Variants in KIF27 observed in about 807,000 individuals in gnomAD.
KIF27 encodes the protein kinesin-like protein KIF27.
Under a neutral mutation model 141.8 loss-of-function variants are expected in KIF27, and 84 were observed. The ratio of observed to expected loss-of-function variants is 0.59; its 90% CI spans 0.50 to 0.71. KIF27 has a LOEUF of 0.71. Ranked by LOEUF, KIF27 falls within the 30% of genes least tolerant of loss-of-function variation. The probability of loss-of-function intolerance (pLI) is 0.00; values close to 1 mark genes in which losing one functional copy is unlikely to be tolerated. For missense variants in KIF27, 1,306 were observed against 1,628.4 expected, an observed-to-expected ratio of 0.80 and a Z score of 3.41; for synonymous variants, 471 against 569.5, an observed-to-expected ratio of 0.83 and a Z score of 2.46.
chr9:83,861,998 T>C (rs950480537), intron 13 of KIF27, among the ~76,000 whole-genome samples: 13 of 152,266 alleles, frequency 8.5e-5, no homozygotes, highest in African/African-American at 3.1e-4. Flanking sequence ...CGTCTGTTCA[T>C]ATCCTTCGCC....
intron 5 of KIF27, 43 bp from the exon 6 acceptor site, chr9:83,891,544 A>G (rs776329220): frequency 2.0e-6 from 3 of 1,509,198 alleles, no homozygotes; most frequent in Admixed American, 4.1e-5. Flanking sequence ...AGAGCACTTC[A>G]GTACATTTAG....
rs571470595 is a variant in KIF27 at position 83,908,810 on chromosome 9, A to C, written c.299-158T>G. On this transcript the variant is annotated intron_variant, in intron 2 of 17. Coordinates refer to ENST00000297814, the MANE Select transcript of KIF27 (RefSeq NM_017576.4). ...AGTCTTGCTCTGTTGCCCAGGCTGG[A>C]GTGCAGTGGTGCAATCTCAGCTCAC... Among the ~76,000 whole-genome samples the C allele has an allele frequency of 5.3e-5, 8 of 151,298 alleles. No individual in the cohort carries two copies. In the South Asian group the frequency reaches 1.3e-3, roughly 24 times the overall value.
chr9:83,844,175 G>A (rs959114963), intron 16 of KIF27, among the ~76,000 whole-genome samples: 36 of 151,940 alleles, frequency 2.4e-4, no homozygotes, highest in African/African-American at 8.5e-4. Context: ...TCCTGTCCTC[G>A]AACATCAGAC....
chr9:83,883,619 T>C (rs138019243), intron 10 of KIF27, among the ~76,000 whole-genome samples, 194 bp downstream of exon 10: 167 of 152,348 alleles, frequency 1.1e-3, no homozygotes, highest in African/African-American at 3.7e-3. Flanking sequence ...TGAAAGAAGA[T>C]ACTTCTTGAA....
chr9:83,915,518 T>G lies in KIF27; in HGVS notation c.74A>C (p.Gln25Pro), dbSNP rs1955598003. 11 of 1,613,838 alleles carry G rather than the reference T, an allele frequency of 6.8e-6. 1 individual carries two copies. Among genetic ancestry groups the G allele is most frequent in the African/African-American group, 6.7e-5 (5 of 75,016 alleles). ...GTTTGGAATAACTCTCACACAAACT[T>G]GATGATTATGAAGAGCTTCTTTGCA... ...LLCKEALHNH[Q>P]VCVRVIPNSQ... The change falls in exon 2 of 18, where the codon CAA becomes CCA. Residue 25 changes from glutamine to proline, a missense_variant. Around this residue, in one of 4 missense-constraint regions of KIF27, gnomAD observed 533 missense variants for 565.6 expected, o/e 0.94. Transcript: ENST00000297814.
chr9:83,861,487 T>C (rs910749633), intron 13 of KIF27, among the ~76,000 whole-genome samples: 2 of 152,232 alleles, frequency 1.3e-5, no homozygotes, highest in African/African-American at 2.4e-5. Flanking sequence ...GCTTCATCCA[T>C]GTCCCTACAA....
intron 14 of KIF27, among the ~76,000 whole-genome samples, chr9:83,857,151 C>G (rs1283841261): frequency 6.6e-6 from 1 of 150,630 alleles, no homozygotes; most frequent in Non-Finnish European, 1.5e-5. Flanking sequence ...GTGTAACGAT[C>G]TAAAATCTTT....
intron 5 of KIF27, among the ~76,000 whole-genome samples, chr9:83,895,246 A>G (rs1290270399): frequency 6.7e-6 from 1 of 150,338 alleles, no homozygotes; most frequent in Non-Finnish European, 1.5e-5. Flanking sequence ...TGGGTGACAC[A>G]GTGAGACTCT....
chr9:83,885,277 G>T (rs1239334648), intron 9 of KIF27, among the ~76,000 whole-genome samples: 1 of 152,036 alleles, frequency 6.6e-6, no homozygotes. Flanking sequence ...ATTTTTAGTA[G>T]AGACAGGGTT....
intron 10 of KIF27, among the ~76,000 whole-genome samples, chr9:83,883,572 G>A (rs1371834870): frequency 1.3e-5 from 2 of 152,040 alleles, no homozygotes; most frequent in Admixed American, 6.6e-5. Flanking sequence ...TCGTGGTTAC[G>A]TTTATTTCTT....
chr9:83,856,349 G>A (rs1239893596), intron 14 of KIF27, among the ~76,000 whole-genome samples: 1 of 152,140 alleles, frequency 6.6e-6, no homozygotes, highest in South Asian at 2.1e-4. Context: ...TTCAAGGCCT[G>A]TAAACCCAGC....
intron 2 of KIF27, among the ~76,000 whole-genome samples, chr9:83,912,142 TAA>T (rs1955234062): frequency 1.3e-5 from 2 of 152,208 alleles, no homozygotes; most frequent in Non-Finnish European, 2.9e-5. Context: ...GCTGAGACTT[TAA>T]AAGTTTCTGT....
chr9:83,903,255 G>A lies in KIF27; in HGVS notation c.1263C>T (p.Phe421=), dbSNP rs1954120974. ...YQCCVEEAFT[F]LVDLKDTVRL... ...TGACAGTATCTTTTAGGTCAACCAG[G>A]AAGGTAAAGGCTTCTTCTACACAAC... Residue 421 remains phenylalanine, a synonymous_variant, in exon 4 of 18, where the codon TTC becomes TTT. Coordinates refer to ENST00000297814, the MANE Select transcript of KIF27 (RefSeq NM_017576.4). 1 of 1,614,130 alleles carries A rather than the reference G, an allele frequency of 6.2e-7. No individual in the cohort carries two copies. The highest frequency in any genetic ancestry group is 1.1e-5 in the South Asian group (1 of 91,084).
intron 17 of KIF27, 124 bp downstream of exon 17, chr9:83,842,113 G>A (rs1245527810): frequency 8.6e-7 from 1 of 1,160,998 alleles, no homozygotes; most frequent in Non-Finnish European, 1.1e-6. Context: ...TGTTTACAGA[G>A]ACAAATAGAA....
rs1242695433 is a variant in KIF27 at position 83,903,318 on chromosome 9, T to C, written c.1200A>G (p.Gln400=). 2 of 1,614,234 alleles carry C rather than the reference T, an allele frequency of 1.2e-6. No homozygotes were observed. Among genetic ancestry groups the C allele is most frequent in the African/African-American group, 1.3e-5 (1 of 75,064 alleles). The change falls in exon 4 of 18, where the codon CAA becomes CAG. Residue 400 remains glutamine, a synonymous_variant. Coordinates refer to ENST00000297814, the MANE Select transcript of KIF27 (RefSeq NM_017576.4). Reference sequence around the variant, plus strand: ...GACATTCTCCTTGAAGCTGAGCTACTTGCTCCTCAAGAGAATGAATCCTAT... The same window carrying C: ...GACATTCTCCTTGAAGCTGAGCTACCTGCTCCTCAAGAGAATGAATCCTAT... ...DTNRIHSLEE[Q]VAQLQGECLG...
intron 17 of KIF27, among the ~76,000 whole-genome samples, chr9:83,839,681 G>A (rs1192570808): frequency 2.0e-5 from 3 of 152,328 alleles, no homozygotes; most frequent in East Asian, 1.9e-4. Context: ...CACCGGGCAC[G>A]GTGGCTCACG....
At chr9:83,916,813 G>A (rs891691119) in intron 1 of KIF27, among the ~76,000 whole-genome samples, 4 of 151,816 alleles carry the variant, frequency 2.6e-5, no homozygotes, top group Non-Finnish European at 2.9e-5. Flanking sequence ...ACAGGCACCC[G>A]CCACTATGCC....
intron 10 of KIF27, among the ~76,000 whole-genome samples, chr9:83,882,347 G>A (rs1052735370): frequency 1.3e-5 from 2 of 152,150 alleles, no homozygotes; most frequent in African/African-American, 4.8e-5. Context: ...GGGCAACAGA[G>A]CAAGACTTCA....
At chr9:83,882,878 T>G (rs193226714) in intron 10 of KIF27, among the ~76,000 whole-genome samples, 1 of 152,164 alleles carries the variant, frequency 6.6e-6, no homozygotes, top group African/African-American at 2.4e-5. Flanking sequence ...TTTAACTTGA[T>G]GTTGACTTGA....
Sources: gnomAD v4.1 joint callset for allele counts (sites outside exome capture counted in the v4.1 genomes callset) on GRCh38, gnomAD v4.1.1 for gene constraint, gnomAD v4.1.1 regional missense constraint, MANE v1.5 for transcripts, NCBI Gene and HGNC (gene_info 2026-07-23, HGNC 2026-07-21) for gene names.